The following KLF13 variants were observed in gnomAD, a reference collection of about 807,000 sequenced individuals.
The protein encoded by KLF13 is KLF transcription factor 13.
Under a neutral mutation model 16.7 loss-of-function variants are expected in KLF13, and 8 were observed. That is an observed-to-expected ratio of 0.48 (90% CI 0.28 to 0.87). KLF13 has a LOEUF of 0.87. KLF13 is among the 40% of genes least tolerant of loss of function. The probability of loss-of-function intolerance (pLI) is 0.10; values close to 1 mark genes in which losing one functional copy is unlikely to be tolerated. For synonymous variants in KLF13, 245 were observed against 208.4 expected (o/e 1.18, Z -1.51); for missense variants, 447 against 452.2 (o/e 0.99, Z 0.10).
intron 1 of KLF13, among the ~76,000 whole-genome samples, chr15:31,384,205 G>A (rs1465770423): frequency 1.3e-5 from 2 of 152,188 alleles, no homozygotes; most frequent in Non-Finnish European, 2.9e-5. Flanking sequence ...TTGGAAGGCT[G>A]AGGCGGGCAG....
intron 1 of KLF13, among the ~76,000 whole-genome samples, chr15:31,348,263 C>T (rs1175884695): frequency 2.0e-5 from 3 of 152,056 alleles, no homozygotes; most frequent in Non-Finnish European, 4.4e-5. Context: ...CACAGGCGCC[C>T]CTCTTCAGCT....
At position 31,327,158 on chromosome 15, in the gene KLF13, G is replaced by C; in HGVS notation, c.-55G>C. The C allele has an allele frequency of 7.9e-7, 1 of 1,259,432 alleles. No homozygotes were observed. The highest frequency in any genetic ancestry group is 1.0e-6 in the Non-Finnish European group (1 of 1,001,152). 78.0% of individuals were successfully genotyped at this position (1,259,432 alleles called of 1,614,324 possible). A position where few individuals can be genotyped will look rare whatever the true frequency, so the allele number is the denominator to read the frequency against. On this transcript the variant is annotated 5_prime_UTR_variant, in exon 1 of 2. Coordinates refer to ENST00000307145, the MANE Select transcript of KLF13 (RefSeq NM_015995.4). ...CCGCTCTCCCGAGGCCGTGGGTGCG[G>C]ATGCGCGGCTGACGACTCGCAGCAA... is the stretch of plus-strand genomic sequence containing the variant.
chr15:31,386,478 A>G (rs2140979551), intron 1 of KLF13, among the ~76,000 whole-genome samples: 1 of 152,370 alleles, frequency 6.6e-6, no homozygotes, highest in African/African-American at 2.4e-5. Flanking sequence ...CACCTTGGGC[A>G]ACAAGAATGA....
chr15:31,394,453 C>T (rs1595495833), intron 2 of KLF13, among the ~76,000 whole-genome samples: 1 of 151,142 alleles, frequency 6.6e-6, no homozygotes, highest in East Asian at 1.9e-4. Context: ...GGCCACTGCC[C>T]TCCAGCCTGG....
intron 1 of KLF13, among the ~76,000 whole-genome samples, chr15:31,413,415 G>A (rs941145014): frequency 2.0e-5 from 3 of 152,002 alleles, no homozygotes; most frequent in Non-Finnish European, 4.4e-5. Context: ...AAAGATTTAC[G>A]AACAAAAACA....
intron 1 of KLF13, among the ~76,000 whole-genome samples, chr15:31,348,653 G>A (rs2039166016): frequency 6.6e-6 from 1 of 151,920 alleles, no homozygotes; most frequent in Non-Finnish European, 1.5e-5. Flanking sequence ...TGCATCTCAG[G>A]CCGCAGTGCC....
chr15:31,394,270 A>G (rs533676581), intron 2 of KLF13, among the ~76,000 whole-genome samples: 1 of 152,104 alleles, frequency 6.6e-6, no homozygotes, highest in African/African-American at 2.4e-5. Context: ...AGGTCAGGAG[A>G]TCGAGACCAT....
intron 1 of KLF13, among the ~76,000 whole-genome samples, chr15:31,410,429 G>T (rs142173351): frequency 1.3e-5 from 2 of 151,916 alleles, no homozygotes; most frequent in African/African-American, 2.4e-5. Context: ...GGGACTAAAC[G>T]CATCAATTAA....
At chr15:31,391,759 C>T (rs1446411281), upstream of KLF13, among the ~76,000 whole-genome samples, 3 of 152,112 alleles carry the variant, frequency 2.0e-5, no homozygotes, top group Non-Finnish European at 4.4e-5. Flanking sequence ...TGTTACTGCG[C>T]TCCTCAGGCA....
chr15:31,410,718 C>T (rs2040183859), intron 1 of KLF13, among the ~76,000 whole-genome samples: 1 of 151,830 alleles, frequency 6.6e-6, no homozygotes, highest in South Asian at 2.1e-4. Context: ...TCCAAAAAGC[C>T]ACAACAATCC....
At chr15:31,399,546 G>A (rs2040004701) in intron 2 of KLF13, among the ~76,000 whole-genome samples, 3 of 152,308 alleles carry the variant, frequency 2.0e-5, no homozygotes, top group East Asian at 1.9e-4. Flanking sequence ...GCCCACACAG[G>A]GGATTCCTTG....
chr15:31,365,749 T>TCAGG (rs2140960905), intron 1 of KLF13, among the ~76,000 whole-genome samples: 1 of 152,130 alleles, frequency 6.6e-6, no homozygotes, highest in East Asian at 1.9e-4. Flanking sequence ...GAGTCTGAGC[T>TCAGG]CAGGCTTTGA....
intron 1 of KLF13, among the ~76,000 whole-genome samples, chr15:31,350,647 T>C (rs1159750688): frequency 6.6e-6 from 1 of 152,260 alleles, no homozygotes. Context: ...CTGGCCCAAC[T>C]TCACCCCCTT....
intron 1 of KLF13, among the ~76,000 whole-genome samples, chr15:31,416,898 G>C (rs978331222): frequency 1.3e-5 from 2 of 152,166 alleles, no homozygotes; most frequent in Admixed American, 6.5e-5. Context: ...TTCATGTGTT[G>C]GAAACTTACT....
At chr15:31,358,031 C>G (rs1446270422) in intron 1 of KLF13, among the ~76,000 whole-genome samples, 5 of 152,114 alleles carry the variant, frequency 3.3e-5, no homozygotes, top group African/African-American at 9.7e-5. Flanking sequence ...ATCCAGAGTT[C>G]CTGTTAGGCC....
Position 31,327,685 on chromosome 15 carries a change from C to G in KLF13, c.473C>G (p.Ala158Gly). Reference sequence around the variant, plus strand: ...AGGGTCCGGCGGGGCCGAAGTCGCGCCGACCTCGAGTCCCCGCAGAGGAAG... The same window carrying G: ...AGGGTCCGGCGGGGCCGAAGTCGCGGCGACCTCGAGTCCCCGCAGAGGAAG... ...RQRVRRGRSR[A>G]DLESPQRKHK... Residue 158 changes from alanine (A) to glycine (G), a missense_variant, in exon 1 of 2, where the codon GCC (alanine) becomes GGC (glycine). Coordinates refer to ENST00000307145, the MANE Select transcript of KLF13 (RefSeq NM_015995.4). 1 of 1,525,374 alleles carries G rather than the reference C, an allele frequency of 6.6e-7. No individual in the cohort carries two copies. The highest frequency in any genetic ancestry group is 8.8e-7 in the Non-Finnish European group (1 of 1,133,154). The allele number at this position is 1,525,374 out of a possible 1,614,324, so 94.5% of individuals were successfully genotyped here.
At chr15:31,380,054 C>G (rs894133936), downstream of KLF13, among the ~76,000 whole-genome samples, 4 of 152,134 alleles carry the variant, frequency 2.6e-5, no homozygotes, top group African/African-American at 9.7e-5. Flanking sequence ...TCCCAGCACT[C>G]TGGGGGGCCG....
At chr15:31,330,232 C>T (rs76134210) in intron 1 of KLF13, among the ~76,000 whole-genome samples, 24 of 152,308 alleles carry the variant, frequency 1.6e-4, no homozygotes, top group Non-Finnish European at 3.1e-4. Context: ...CAGCCGTGGG[C>T]TCTGAGGTGT....
At chr15:31,354,860 T>C (rs949124142) in intron 1 of KLF13, among the ~76,000 whole-genome samples, 9 of 152,188 alleles carry the variant, frequency 5.9e-5, no homozygotes, top group African/African-American at 2.2e-4. Context: ...AATTTGTCCA[T>C]AAATATTTCA....
Sources: allele counts gnomAD v4.1 joint callset (sites outside exome capture counted in the v4.1 genomes callset), GRCh38; gene constraint gnomAD v4.1.1; transcripts MANE v1.5; gene names NCBI Gene and HGNC (gene_info 2026-07-23, HGNC 2026-07-21).